The following SOCS6 variants were observed in gnomAD, a reference collection of about 807,000 sequenced individuals.
The protein encoded by SOCS6 is STAT induced STAT inhibitor-4.
Under a neutral mutation model 27.7 loss-of-function variants are expected in SOCS6, and 5 were observed. That is an observed-to-expected ratio of 0.18 (90% CI 0.09 to 0.38). SOCS6 has a LOEUF of 0.38. SOCS6 is among the 10% of genes least tolerant of loss of function. The pLI is 1.00. For missense variants in SOCS6, 595 were observed against 688.1 expected (o/e 0.86, Z 1.51); for synonymous variants, 271 against 260.0 (o/e 1.04, Z -0.41).
At position 70,325,206 on chromosome 18, in the gene SOCS6, T is replaced by C; in HGVS notation, c.538T>C (p.Ser180Pro). ...GVRKDFHDLQ[S>P]ETTCQEQANS... ...CCGGAAGGATTTCCACGACCTCCAGTCTGAGACCACGTGCCAGGAGCAAGC... is the reference window on the plus strand; with the variant it reads ...CCGGAAGGATTTCCACGACCTCCAGCCTGAGACCACGTGCCAGGAGCAAGC... The change falls in exon 2 of 2, where the codon TCT (serine) becomes CCT (proline). Residue 180 changes from serine to proline, a missense_variant. Around this residue, in one of 2 missense-constraint regions of SOCS6, gnomAD observed 467 missense variants for 481.1 expected, o/e 0.97. Transcript: ENST00000397942. The surrounding 1 kb of genome is among the most constrained non-coding windows in gnomAD (Gnocchi z 6.3). The C allele has an allele frequency of 6.2e-7, 1 of 1,614,132 alleles. No homozygotes were observed.
intron 1 of SOCS6, among the ~76,000 whole-genome samples, chr18:70,309,591 A>G (rs2062382300): frequency 6.6e-6 from 1 of 152,158 alleles, no homozygotes; most frequent in Non-Finnish European, 1.5e-5. Context: ...TTTACTTACC[A>G]CAATCTGCTT....
intron 1 of SOCS6, among the ~76,000 whole-genome samples, chr18:70,298,633 T>C (rs1865997216): frequency 2.0e-5 from 3 of 152,204 alleles, no homozygotes; most frequent in Admixed American, 2.0e-4. Flanking sequence ...GTCTTTTCAG[T>C]GTGCAAATGA....
intron 1 of SOCS6, among the ~76,000 whole-genome samples, chr18:70,313,134 G>T (rs140332953): frequency 6.6e-6 from 1 of 152,060 alleles, no homozygotes; most frequent in Non-Finnish European, 1.5e-5. Flanking sequence ...TTGATTGGCC[G>T]CTTGAATTTG....
chr18:70,329,968 C>G lies in SOCS6; in HGVS notation c.*3692C>G, dbSNP rs183911718. ...TGGAGTGCCATGAAATTAATACTTG[C>G]AATTCAGATTGCGGTAGTTTACACT... On this transcript the variant is annotated 3_prime_UTR_variant, in exon 2 of 2. Transcript: ENST00000397942. The G allele has an allele frequency of 3.6e-3, 603 of 167,130 alleles. 7 individuals carry two copies. The highest frequency in any genetic ancestry group is 0.013 in the African/African-American group (560 of 41,566). 10.4% of individuals were successfully genotyped at this position (167,130 alleles called of 1,614,324 possible).
chr18:70,326,546 A>C lies in SOCS6; in HGVS notation c.*270A>C. ...GAATAATCACAATGTGAATTATCAA[A>C]TTCTCCTCAATGCCCCCCCCGCCCA... On this transcript the variant is annotated 3_prime_UTR_variant, in exon 2 of 2. Transcript: ENST00000397942. 1 of 397,430 alleles carries C rather than the reference A, an allele frequency of 2.5e-6. No homozygotes were observed. The highest frequency in any genetic ancestry group is 4.9e-5 in the East Asian group (1 of 20,234). The allele number at this position is 397,430 out of a possible 1,614,324, so 24.6% of individuals were successfully genotyped here. A position where few individuals can be genotyped will look rare whatever the true frequency, so the allele number is the denominator to read the frequency against.
In SOCS6 at chr18:70,327,286, A is replaced by C. The variant is rs1367111049; in HGVS notation, c.*1010A>C. ...ACATTAATGTTTATAAAAAGTTTTAAATTGATTTGAATAGAAAGAAAACAT... is the reference window on the plus strand; with the variant it reads ...ACATTAATGTTTATAAAAAGTTTTACATTGATTTGAATAGAAAGAAAACAT... On this transcript the variant is annotated 3_prime_UTR_variant, in exon 2 of 2. Coordinates refer to ENST00000397942, the MANE Select transcript of SOCS6 (RefSeq NM_004232.4). 6.0e-6 allele frequency: 1 copy of C among 166,750 alleles called. No individual in the cohort carries two copies. The highest frequency in any genetic ancestry group is 1.5e-5 in the Non-Finnish European group (1 of 68,070). The allele number at this position is 166,750 out of a possible 1,614,324, so 10.3% of individuals were successfully genotyped here.
chr18:70,322,982 C>T (rs1911045064), intron 1 of SOCS6, among the ~76,000 whole-genome samples: 1 of 152,184 alleles, frequency 6.6e-6, no homozygotes, highest in African/African-American at 2.4e-5. Context: ...TCTGTCTCTC[C>T]TACTGGATTA....
At chr18:70,294,331 C>T (rs1600147152) in intron 1 of SOCS6, among the ~76,000 whole-genome samples, 1 of 151,958 alleles carries the variant, frequency 6.6e-6, no homozygotes, top group African/African-American at 2.4e-5. Context: ...AGTAGGAGTC[C>T]GTTTTTCTTG....
Position 70,325,571 on chromosome 18 carries a change from A to G in SOCS6, c.903A>G (p.Arg301=). 1 of 1,614,168 alleles carries G rather than the reference A, an allele frequency of 6.2e-7. No individual in the cohort carries two copies. The highest frequency in any genetic ancestry group is 2.2e-5 in the East Asian group (1 of 44,878). The change falls in exon 2 of 2, where the codon AGA becomes AGG. Residue 301 remains arginine, a synonymous_variant. Transcript: ENST00000397942. This position sits in a 1 kb window ranked among gnomAD's most constrained non-coding sequence, Gnocchi z 6.3. ...CGGGAGTCATGTTGCAGAGCCCGAG[A>G]GCGGGTCACGATGATGTCCCTCCAC... ...GTTGVMLQSP[R]AGHDDVPPLS...
Position 70,325,332 on chromosome 18 carries a change from C to G in SOCS6, c.664C>G (p.Gln222Glu), listed in dbSNP as rs1911159148. ...TGGACTTATGCCTCAGGACTACATT[C>G]AGTATACTGTGCCTTTAGATGAGGG... The part of the protein sequence containing the change: ...VIGLMPQDYI[Q>E]YTVPLDEGMY... The change falls in exon 2 of 2, where the codon CAG (glutamine) becomes GAG (glutamate). Residue 222 changes from glutamine to glutamate, a missense_variant. Gln to Glu is a conservative substitution (Grantham distance 29). Around this residue, in one of 2 missense-constraint regions of SOCS6, gnomAD observed 467 missense variants for 481.1 expected, o/e 0.97. Transcript: ENST00000397942. The surrounding 1 kb of genome is among the most constrained non-coding windows in gnomAD (Gnocchi z 6.3). 2.5e-6 allele frequency: 4 copies of G among 1,614,096 alleles called. No homozygotes were observed. Among genetic ancestry groups the G allele is most frequent in the Non-Finnish European group, 3.4e-6 (4 of 1,179,952 alleles).
At chr18:70,312,505 A>G (rs942287079) in intron 1 of SOCS6, among the ~76,000 whole-genome samples, 1 of 152,166 alleles carries the variant, frequency 6.6e-6, no homozygotes, top group Admixed American at 6.6e-5. Context: ...ATTTACTTCA[A>G]TCATGAGTTA....
intron 1 of SOCS6, among the ~76,000 whole-genome samples, chr18:70,321,363 C>T (rs2146294210): frequency 8.7e-6 from 1 of 114,452 alleles, no homozygotes; most frequent in South Asian, 3.4e-4. Flanking sequence ...TCTTGTTGCC[C>T]AGGCTGGAGT....
chr18:70,317,574 C>T (rs561338944), intron 1 of SOCS6, among the ~76,000 whole-genome samples: 151 of 151,540 alleles, frequency 1.0e-3, no homozygotes, highest in Non-Finnish European at 1.5e-3. Context: ...CACACACACA[C>T]ACACACACCA....
At chr18:70,304,249 GAC>G (rs953287125) in intron 1 of SOCS6, among the ~76,000 whole-genome samples, 1 of 150,038 alleles carries the variant, frequency 6.7e-6, no homozygotes, top group African/African-American at 2.5e-5. Context: ...AAAAAGAAAA[GAC>G]ACAGGATGAT....
chr18:70,298,752 A>C (rs371707396), intron 1 of SOCS6, among the ~76,000 whole-genome samples: 2 of 152,326 alleles, frequency 1.3e-5, no homozygotes, highest in East Asian at 3.9e-4. Context: ...GGCCTGATAC[A>C]CACAGTGGTA....
intron 1 of SOCS6, among the ~76,000 whole-genome samples, chr18:70,321,504 T>C (rs1234847506): frequency 3.5e-5 from 5 of 143,688 alleles, no homozygotes; most frequent in African/African-American, 1.3e-4. Context: ...TTTTTTTTTT[T>C]TGTATTTTTA....
intron 1 of SOCS6, among the ~76,000 whole-genome samples, chr18:70,305,645 T>A (rs1310513426): frequency 1.3e-5 from 2 of 152,258 alleles, no homozygotes; most frequent in Non-Finnish European, 2.9e-5. Flanking sequence ...AGATCAATTT[T>A]GGAAGAATTG....
intron 1 of SOCS6, among the ~76,000 whole-genome samples, chr18:70,306,415 G>A (rs555303116): frequency 1.3e-5 from 2 of 149,224 alleles, no homozygotes; most frequent in East Asian, 2.0e-4. Flanking sequence ...CCTGGGAGGC[G>A]GAGATTGCAG....
At chr18:70,322,370 C>G (rs1911022806) in intron 1 of SOCS6, among the ~76,000 whole-genome samples, 1 of 152,058 alleles carries the variant, frequency 6.6e-6, no homozygotes, top group South Asian at 2.1e-4. Flanking sequence ...TTTGTAATGT[C>G]TAGGATTGAA....
Sources: allele counts gnomAD v4.1 joint callset (sites outside exome capture counted in the v4.1 genomes callset), GRCh38; gene constraint gnomAD v4.1.1; regional missense constraint gnomAD v4.1.1; non-coding constraint Gnocchi (gnomAD v3.1); transcripts MANE v1.5; gene names NCBI Gene and HGNC (gene_info 2026-07-23, HGNC 2026-07-21).